Variants in LCP1 observed in about 807,000 individuals in gnomAD.
LCP1 encodes the protein plastin-2.
A neutral mutation model predicts 72.0 loss-of-function variants in LCP1; 23 were observed. The observed-to-expected ratio is 0.32, with a 90% CI of 0.23 to 0.45. LCP1 has a LOEUF of 0.45. Ranked by LOEUF, LCP1 falls within the 20% of genes least tolerant of loss-of-function variation. The pLI is 1.00. For synonymous variants in LCP1, 245 were observed against 275.4 expected (o/e 0.89, Z 1.09); for missense variants, 571 against 748.3 (o/e 0.76, Z 2.76).
chr13:46,160,755 G>A (rs1014459002), intron 1 of LCP1, among the ~76,000 whole-genome samples: 1 of 152,154 alleles, frequency 6.6e-6, no homozygotes, highest in African/African-American at 2.4e-5. Flanking sequence ...TTTCAAATCG[G>A]AGACCCACTG....
chr13:46,174,432 A>G (rs2045918415), intron 1 of LCP1, among the ~76,000 whole-genome samples: 1 of 152,176 alleles, frequency 6.6e-6, no homozygotes, highest in Non-Finnish European at 1.5e-5. Context: ...CTTCACAGCT[A>G]TTATTTTAAA....
At chr13:46,160,608 G>A (rs969217895) in intron 1 of LCP1, among the ~76,000 whole-genome samples, 2 of 152,172 alleles carry the variant, frequency 1.3e-5, no homozygotes, top group African/African-American at 4.8e-5. Flanking sequence ...TCAGAAAAGC[G>A]ACAGTCTTGC....
chr13:46,138,787 C>T (rs562023478), intron 13 of LCP1, among the ~76,000 whole-genome samples: 22 of 152,068 alleles, frequency 1.4e-4, no homozygotes, highest in Non-Finnish European at 3.1e-4. Context: ...CCTGGGACTA[C>T]AGGCACGCAC....
chr13:46,136,672 CTTATTT>C (rs1343214471), intron 13 of LCP1, among the ~76,000 whole-genome samples: 1 of 152,084 alleles, frequency 6.6e-6, no homozygotes, highest in Non-Finnish European at 1.5e-5. Context: ...TAACTGGCTT[CTTATTT>C]CCAGATAGCA....
At chr13:46,176,630 G>A (rs866294714) in intron 1 of LCP1, among the ~76,000 whole-genome samples, 1 of 151,874 alleles carries the variant, frequency 6.6e-6, no homozygotes, top group Admixed American at 6.6e-5. Context: ...CAAAATGCAG[G>A]GTATTATTTA....
At chr13:46,159,442 A>G in intron 2 of LCP1, 157 bp downstream of exon 2, 1 of 611,398 alleles carries the variant, frequency 1.6e-6, no homozygotes, top group African/African-American at 1.8e-5. Context: ...ATTGAAGCAT[A>G]TTTTTCAAAA....
Position 46,175,819 on chromosome 13 carries a change from G to A in LCP1, c.-25+6292C>T, listed in dbSNP as rs116287789. 1.3e-3 allele frequency among the ~76,000 whole-genome samples: 203 copies of A among 152,268 alleles called. 2 individuals are homozygous for A. Among genetic ancestry groups the A allele is most frequent in the East Asian group, 9.5e-3 (49 of 5,184 alleles). Reference sequence around the variant, plus strand: ...AGAAACAGTGGGGGAAGTTCAGTTCGCATTTTTAAGATGACAAAAGAGTGC... The same window carrying A: ...AGAAACAGTGGGGGAAGTTCAGTTCACATTTTTAAGATGACAAAAGAGTGC... On this transcript the variant is annotated intron_variant, in intron 1 of 15. Transcript: ENST00000323076.
intron 8 of LCP1, chr13:46,148,672 G>A (rs1007195771): frequency 4.1e-6 from 2 of 486,462 alleles, no homozygotes; most frequent in Non-Finnish European, 6.8e-6. Flanking sequence ...AAATAGACAA[G>A]ATATACACAA....
At chr13:46,138,655 GT>G (rs1425035654) in intron 13 of LCP1, among the ~76,000 whole-genome samples, 2 of 151,966 alleles carry the variant, frequency 1.3e-5, no homozygotes, top group African/African-American at 4.8e-5. Context: ...TTGTTTGTTT[GT>G]TTTTTTCTGA....
chr13:46,129,797 A>G (rs2045622787), intron 15 of LCP1, among the ~76,000 whole-genome samples: 1 of 152,170 alleles, frequency 6.6e-6, no homozygotes, highest in Admixed American at 6.6e-5. Flanking sequence ...AACCCCCAGC[A>G]CCTCAGAGTA....
At chr13:46,167,300 G>A (rs1258972418) in intron 1 of LCP1, among the ~76,000 whole-genome samples, 2 of 152,152 alleles carry the variant, frequency 1.3e-5, no homozygotes, top group African/African-American at 4.8e-5. Flanking sequence ...CCACTACACC[G>A]AGGGGCTTCT....
At chr13:46,166,026 G>A (rs1021529749) in intron 1 of LCP1, among the ~76,000 whole-genome samples, 2 of 152,164 alleles carry the variant, frequency 1.3e-5, no homozygotes, top group Admixed American at 6.5e-5. Context: ...AAATCAGTGA[G>A]TTTTGAGTTT....
In LCP1 at chr13:46,171,378, AAC is replaced by A. The variant is rs1447686140; in HGVS notation, c.-25+10731_-25+10732del. On this transcript the variant is annotated intron_variant, in intron 1 of 15. Transcript: ENST00000323076. The stretch of plus-strand genomic sequence containing the variant: ...GCTCTGACCTCATGTTAATTAGGGA[AAC>A]ACATATTTCTGCAAGGTTTTACTTA... Among the ~76,000 whole-genome samples the A allele has an allele frequency of 3.9e-5, 6 of 152,278 alleles. No homozygotes were observed. The East Asian group carries it at 5.8e-4, about 15-fold the overall frequency.
At chr13:46,139,107 T>TTA (rs1431325241) in intron 13 of LCP1, among the ~76,000 whole-genome samples, 11 of 152,206 alleles carry the variant, frequency 7.2e-5, no homozygotes, top group Non-Finnish European at 1.5e-4. Flanking sequence ...TTGTGGAAGA[T>TTA]AATAAAGATA....
rs2045666398 is a variant in LCP1, at chr13:46,136,575, G to C, written c.1503-2325C>G. ...TGCTGAGAAATCATGAGTATAAATG[G>C]GGTAAGTGCAGATAGATTTTCAAAA... On this transcript the variant is annotated intron_variant, in intron 13 of 15. Transcript: ENST00000323076. 2.6e-5 allele frequency among the ~76,000 whole-genome samples: 4 copies of C among 152,246 alleles called. No individual in the cohort carries two copies. The South Asian group carries it at 8.3e-4, about 32-fold the overall frequency.
chr13:46,159,321 A>T (rs2045823397), intron 2 of LCP1: 1 of 529,924 alleles, frequency 1.9e-6, no homozygotes, highest in South Asian at 2.6e-5. Flanking sequence ...AATCAAGGAA[A>T]CAGCAAAACA....
At chr13:46,143,795 A>G (rs535266659) in intron 11 of LCP1, among the ~76,000 whole-genome samples, 74 of 152,390 alleles carry the variant, frequency 4.9e-4, no homozygotes, top group African/African-American at 1.7e-3. Context: ...GAACGGGCGC[A>G]GTGGCTCACG....
At chr13:46,137,639 T>C (rs1322797238) in intron 13 of LCP1, among the ~76,000 whole-genome samples, 1 of 152,254 alleles carries the variant, frequency 6.6e-6, no homozygotes, top group African/African-American at 2.4e-5. Context: ...TAATTTGGCC[T>C]GTGTCTTTCT....
At chr13:46,154,974 A>G in intron 5 of LCP1, 88 bp from the exon 6 acceptor site, 1 of 929,298 alleles carries the variant, frequency 1.1e-6, no homozygotes. Context: ...CAATACCATA[A>G]TCAAAGAAGA....
Sources: allele counts gnomAD v4.1 joint callset (sites outside exome capture counted in the v4.1 genomes callset), GRCh38; gene constraint gnomAD v4.1.1; transcripts MANE v1.5; gene names NCBI Gene and HGNC (gene_info 2026-07-23, HGNC 2026-07-21).